PRKG1: variants seen among roughly 807,000 people sequenced by gnomAD.
PRKG1 encodes protein kinase cGMP-dependent 1.
In PRKG1, 35 loss-of-function variants were observed where a neutral mutation model predicts 88.1. The observed-to-expected ratio is 0.40, with a 90% CI of 0.30 to 0.53. PRKG1 has a LOEUF of 0.53. PRKG1 is among the 20% of genes least tolerant of loss of function. The pLI, the probability that PRKG1 is intolerant of heterozygous loss-of-function variation, is 0.59. For synonymous variants in PRKG1, 303 were observed against 292.5 expected (o/e 1.04, Z -0.37); for missense variants, 540 against 839.8 (o/e 0.64, Z 4.41).
chr10:52,110,124 G>A (rs938784440), intron 7 of PRKG1, among the ~76,000 whole-genome samples: 13 of 151,938 alleles, frequency 8.6e-5, no homozygotes, highest in Middle Eastern at 3.4e-3. Flanking sequence ...CGAGGCGGGC[G>A]GATCACGAGG....
chr10:51,179,268 A>G (rs781408726), intron 2 of PRKG1, among the ~76,000 whole-genome samples: 2 of 152,248 alleles, frequency 1.3e-5, no homozygotes, highest in Non-Finnish European at 2.9e-5. Context: ...TTTCAAGACT[A>G]GTCAAGAAGA....
At chr10:51,420,301 A>G (rs1383044319) in intron 2 of PRKG1, among the ~76,000 whole-genome samples, 1 of 152,178 alleles carries the variant, frequency 6.6e-6, no homozygotes, top group East Asian at 1.9e-4. Context: ...AGGATTTCTT[A>G]AATCAATCAG....
intron 2 of PRKG1, among the ~76,000 whole-genome samples, chr10:51,377,321 A>G (rs964761672): frequency 3.9e-5 from 6 of 152,238 alleles, no homozygotes; most frequent in African/African-American, 1.4e-4. Flanking sequence ...AAATAAGGTT[A>G]ATAAGAATAT....
chr10:52,000,321 A>T (rs1171069633), intron 5 of PRKG1, among the ~76,000 whole-genome samples: 1 of 119,494 alleles, frequency 8.4e-6, no homozygotes, highest in Non-Finnish European at 1.8e-5. Flanking sequence ...TGAGTGAGAC[A>T]GCAATATATA....
chr10:51,090,156 G>A (rs1056270667), intron 1 of PRKG1, among the ~76,000 whole-genome samples: 1 of 152,156 alleles, frequency 6.6e-6, no homozygotes, highest in Non-Finnish European at 1.5e-5. Flanking sequence ...AGAATCCCCA[G>A]CCCAGTGCTC....
chr10:52,040,631 A>T (rs555760433), intron 5 of PRKG1, among the ~76,000 whole-genome samples: 1 of 152,296 alleles, frequency 6.6e-6, no homozygotes, highest in South Asian at 2.1e-4. Context: ...AAATGGGAAC[A>T]GTTTGACTTC....
chr10:52,174,622 T>G (rs1838806109), intron 9 of PRKG1, among the ~76,000 whole-genome samples: 1 of 152,024 alleles, frequency 6.6e-6, no homozygotes, highest in South Asian at 2.1e-4. Flanking sequence ...TTATATGGGT[T>G]GTGTCTCTAT....
intron 3 of PRKG1, among the ~76,000 whole-genome samples, chr10:51,765,883 A>G (rs10999341): frequency 0.072 from 10,751 of 149,822 alleles, 444 homozygotes; most frequent in East Asian, 0.091. Context: ...TATCACAGGC[A>G]GGCTGGCTTA....
chr10:51,314,280 G>A (rs752451046), intron 2 of PRKG1, among the ~76,000 whole-genome samples: 3 of 152,056 alleles, frequency 2.0e-5, no homozygotes, highest in Non-Finnish European at 4.4e-5. Context: ...GCTGAGAATC[G>A]CAGAGTCCCT....
At chr10:51,950,473 G>T (rs552053021) in intron 5 of PRKG1, among the ~76,000 whole-genome samples, 21 of 152,330 alleles carry the variant, frequency 1.4e-4, no homozygotes, top group African/African-American at 4.8e-4. Flanking sequence ...TGCCAGACTC[G>T]CAGCAGGGGC....
chr10:51,951,009 G>A (rs1169715092), intron 5 of PRKG1, among the ~76,000 whole-genome samples: 1 of 152,236 alleles, frequency 6.6e-6, no homozygotes, highest in Non-Finnish European at 1.5e-5. Flanking sequence ...TAGGGGAGGT[G>A]CAAGCCATAG....
At chr10:51,680,460 A>G (rs1218896396) in intron 3 of PRKG1, among the ~76,000 whole-genome samples, 1 of 151,964 alleles carries the variant, frequency 6.6e-6, no homozygotes, top group East Asian at 1.9e-4. Flanking sequence ...TTGTCCAATT[A>G]TTTTTTCAAA....
chr10:52,022,843 G>A (rs927001576), intron 5 of PRKG1, among the ~76,000 whole-genome samples: 5 of 152,062 alleles, frequency 3.3e-5, no homozygotes, highest in African/African-American at 4.8e-5. Context: ...TAGGAATATG[G>A]AAATGTAGAA....
intron 3 of PRKG1, among the ~76,000 whole-genome samples, chr10:51,593,249 A>G (rs905071971): frequency 1.3e-5 from 2 of 152,176 alleles, no homozygotes; most frequent in African/African-American, 4.8e-5. Context: ...TCATATACAA[A>G]TTATATTGTC....
chr10:51,691,746 G>A (rs1263144360), intron 3 of PRKG1, among the ~76,000 whole-genome samples: 6 of 152,300 alleles, frequency 3.9e-5, no homozygotes, highest in Non-Finnish European at 1.5e-5. Flanking sequence ...TAGGCTTGTG[G>A]CCAAATTGGA....
At chr10:52,287,304 A>G (rs916731650) in intron 14 of PRKG1, among the ~76,000 whole-genome samples, 36 of 152,124 alleles carry the variant, frequency 2.4e-4, no homozygotes, top group African/African-American at 8.2e-4. Flanking sequence ...TTTTCAAGTG[A>G]TTTAAAATTG....
intron 2 of PRKG1, 83 bp downstream of exon 2, chr10:51,153,413 A>T: frequency 7.7e-7 from 1 of 1,294,842 alleles, no homozygotes; most frequent in Non-Finnish European, 1.0e-6. Flanking sequence ...AATGCATTAC[A>T]TGGAAAATTC....
At chr10:51,723,938 T>C (rs1842072211) in intron 3 of PRKG1, among the ~76,000 whole-genome samples, 1 of 152,216 alleles carries the variant, frequency 6.6e-6, no homozygotes, top group East Asian at 1.9e-4. Flanking sequence ...TTTCAACTGA[T>C]AAGGGGTGGA....
chr10:51,369,816 T>C (rs2132605283), intron 2 of PRKG1, among the ~76,000 whole-genome samples: 1 of 152,274 alleles, frequency 6.6e-6, no homozygotes, highest in Non-Finnish European at 1.5e-5. Flanking sequence ...CCTTATGCTC[T>C]ACGACATCAT....
Sources: allele counts gnomAD v4.1 joint callset (sites outside exome capture counted in the v4.1 genomes callset), GRCh38; gene constraint gnomAD v4.1.1; transcripts MANE v1.5; gene names NCBI Gene and HGNC (gene_info 2026-07-23, HGNC 2026-07-21).